The following C4orf50 variants were observed in gnomAD, a reference collection of about 807,000 sequenced individuals.
C4orf50 encodes the protein uncharacterized protein C4orf50.
A neutral mutation model predicts 77.2 loss-of-function variants in C4orf50; 80 were observed. That is an observed-to-expected ratio of 1.04 (90% CI 0.87 to 1.25). C4orf50 has a LOEUF of 1.25. C4orf50 is among the 50% of genes most tolerant of loss of function. The pLI is 0.00. For missense variants in C4orf50, 1,257 were observed against 1,152.9 expected (o/e 1.09, Z -1.31); for synonymous variants, 532 against 465.3 (o/e 1.14, Z -1.84).
intron 25 of C4orf50, among the ~76,000 whole-genome samples, chr4:5,995,008 T>C (rs1463695185): frequency 1.3e-5 from 2 of 152,232 alleles, no homozygotes; most frequent in East Asian, 1.9e-4. Flanking sequence ...TGATCTGAGA[T>C]GGAACAGTTT....
intron 27 of C4orf50, among the ~76,000 whole-genome samples, chr4:5,991,769 C>A (rs1721310055): frequency 2.0e-5 from 3 of 152,100 alleles, no homozygotes; most frequent in Admixed American, 1.3e-4. Context: ...GGGGTCTGAG[C>A]CTTTGGAGGG....
intron 7 of C4orf50, chr4:5,903,364 A>G (rs1352805039): frequency 5.9e-5 from 9 of 152,206 alleles, no homozygotes; most frequent in African/African-American, 2.2e-4. Context: ...TAGGAGCAAT[A>G]CTCACAGTAG....
At chr4:5,918,662 T>C (rs16837803) in intron 7 of C4orf50, among the ~76,000 whole-genome samples, 22,544 of 152,124 alleles carry the variant, frequency 0.15, 3,184 homozygotes, top group African/African-American at 0.37. Flanking sequence ...GCTTGTAAAT[T>C]GACTTTTTGC....
intron 25 of C4orf50, among the ~76,000 whole-genome samples, chr4:6,004,026 T>TAGTGATGATGGTGATGATG (rs1560598315): frequency 1.5e-4 from 2 of 13,748 alleles, no homozygotes; most frequent in African/African-American, 2.3e-4. Flanking sequence ...ATGGTGATAA[T>TAGTGATGATGGTGATGATG]GTGATAGTGA....
Position 6,006,036 on chromosome 4 carries a change from A to G in C4orf50, c.963+1960T>C, listed in dbSNP as rs529467908. On this transcript the variant is annotated intron_variant, in intron 25 of 33. Coordinates refer to ENST00000531445, the Ensembl canonical transcript of C4orf50. ...CTGTGCACACTTGTTTTCCAAAATT[A>G]CAACAAGTTGCCAATGTTATACACT... Among the ~76,000 whole-genome samples the G allele has an allele frequency of 2.6e-5, 4 of 152,362 alleles. No individual in the cohort carries two copies. In the South Asian group the frequency reaches 6.2e-4, roughly 24 times the overall value.
intron 7 of C4orf50, among the ~76,000 whole-genome samples, chr4:5,928,868 C>A (rs1717637433): frequency 6.6e-6 from 1 of 152,090 alleles, no homozygotes; most frequent in Non-Finnish European, 1.5e-5. Flanking sequence ...GTCAACCTTC[C>A]CAGTGTTTTG....
chr4:5,899,369 C>T (rs940587657), intron 7 of C4orf50: 24 of 152,184 alleles, frequency 1.6e-4, no homozygotes, highest in African/African-American at 5.8e-4. Flanking sequence ...CATTTACCAC[C>T]CAATTATATT....
At chr4:5,960,250 A>G (rs1025298734) in intron 33 of C4orf50, among the ~76,000 whole-genome samples, 2 of 152,146 alleles carry the variant, frequency 1.3e-5, no homozygotes, top group African/African-American at 4.8e-5. Context: ...CTTTCCAGTC[A>G]CTATTGTACC....
intron 29 of C4orf50, among the ~76,000 whole-genome samples, chr4:5,978,513 T>C (rs1246658901): frequency 1.3e-5 from 2 of 152,200 alleles, no homozygotes; most frequent in East Asian, 3.8e-4. Flanking sequence ...ACTTAAAGTC[T>C]AATTCATGTG....
chr4:5,953,440 C>T (rs551661682), downstream of C4orf50, among the ~76,000 whole-genome samples: 1 of 152,322 alleles, frequency 6.6e-6, no homozygotes, highest in South Asian at 2.1e-4. Context: ...CCAGTACTAA[C>T]CTGGCCTCAA....
At chr4:5,945,738 C>A (rs548348683) in intron 7 of C4orf50, among the ~76,000 whole-genome samples, 189 of 152,316 alleles carry the variant, frequency 1.2e-3, no homozygotes, top group Middle Eastern at 3.4e-3. Context: ...TTGAAGGAAA[C>A]CTGCATTTTT....
At position 6,008,597 on chromosome 4, in the gene C4orf50, C is replaced by A; in HGVS notation, c.427-65G>T. On this transcript the variant is annotated intron_variant, in intron 24 of 33. Transcript: ENST00000531445. The surrounding 1 kb of genome is among the most constrained non-coding windows in gnomAD (Gnocchi z 6.0). The stretch of plus-strand genomic sequence containing the variant: ...AGGACACACCATGGTTCACATTGGT[C>A]CTGTCTTGACTTAACATTTCTGTAT... The A allele has an allele frequency of 2.5e-6, 1 of 396,038 alleles. No homozygotes were observed. Among genetic ancestry groups the A allele is most frequent in the South Asian group, 1.3e-4 (1 of 7,730 alleles). The allele number at this position is 396,038 out of a possible 1,614,324, so 24.5% of individuals were successfully genotyped here.
chr4:5,922,566 G>A (rs547610662), intron 7 of C4orf50, among the ~76,000 whole-genome samples: 2 of 152,256 alleles, frequency 1.3e-5, no homozygotes, highest in South Asian at 4.1e-4. Flanking sequence ...GCATGCCATG[G>A]GTAACTCTGC....
Position 5,986,718 on chromosome 4 carries a change from T to C in C4orf50, c.3699+1629A>G, listed in dbSNP as rs558078595. Among the ~76,000 whole-genome samples the C allele has an allele frequency of 5.9e-5, 9 of 152,118 alleles. No homozygotes were observed. In the South Asian group the frequency reaches 1.9e-3, roughly 32 times the overall value. ...CACACCCAGCTAATTTTTGTATTTT[T>C]AGTAGAGATGGGGTTTCACCATATT... On this transcript the variant is annotated intron_variant, in intron 28 of 33. Coordinates refer to ENST00000531445, the Ensembl canonical transcript of C4orf50.
At chr4:5,985,328 T>C (rs1038407516) in intron 28 of C4orf50, among the ~76,000 whole-genome samples, 1 of 151,930 alleles carries the variant, frequency 6.6e-6, no homozygotes, top group African/African-American at 2.4e-5. Context: ...ATGAAAAATA[T>C]ATGATTGTTT....
chr4:6,010,219 G>A (rs527853290), intron 24 of C4orf50, among the ~76,000 whole-genome samples: 4 of 152,224 alleles, frequency 2.6e-5, no homozygotes, highest in South Asian at 4.2e-4. Context: ...ACTCAACGCC[G>A]CTCTACCTAT....
At chr4:5,998,365 A>G (rs1170674654) in intron 25 of C4orf50, among the ~76,000 whole-genome samples, 3 of 152,048 alleles carry the variant, frequency 2.0e-5, no homozygotes, top group African/African-American at 2.4e-5. Flanking sequence ...GACATTATTG[A>G]CACTGCTTTT....
chr4:5,994,695 C>T (rs1721483062), intron 25 of C4orf50, among the ~76,000 whole-genome samples: 1 of 152,226 alleles, frequency 6.6e-6, no homozygotes, highest in African/African-American at 2.4e-5. Flanking sequence ...AGCACTTAGA[C>T]TCCTGTCCAC....
intron 25 of C4orf50, among the ~76,000 whole-genome samples, chr4:6,003,816 A>ATGG (rs1560597885): frequency 8.2e-6 from 1 of 121,584 alleles, no homozygotes; most frequent in African/African-American, 3.2e-5. Context: ...GATGATGGTG[A>ATGG]TGATGGTGAT....
Sources: allele counts gnomAD v4.1 joint callset (sites outside exome capture counted in the v4.1 genomes callset), GRCh38; gene constraint gnomAD v4.1.1; non-coding constraint Gnocchi (gnomAD v3.1); transcripts MANE v1.5; gene names NCBI Gene and HGNC (gene_info 2026-07-23, HGNC 2026-07-21).